The following NT5DC1 variants were observed in gnomAD, a reference collection of about 807,000 sequenced individuals.
NT5DC1 encodes the protein 5'-nucleotidase domain containing 1.
Under a neutral mutation model 59.4 loss-of-function variants are expected in NT5DC1, and 42 were observed. The observed-to-expected ratio is 0.71, with a 90% CI of 0.55 to 0.92. NT5DC1 has a LOEUF of 0.92. Ranked by LOEUF, NT5DC1 falls within the 40% of genes least tolerant of loss-of-function variation. The pLI, the probability that NT5DC1 is intolerant of heterozygous loss-of-function variation, is 0.00. For synonymous variants in NT5DC1, 172 were observed against 188.1 expected, an observed-to-expected ratio of 0.91 and a Z score of 0.70; for missense variants, 501 against 537.1, an observed-to-expected ratio of 0.93 and a Z score of 0.66.
chr6:116,205,484 T>TTTA (rs1393824457), intron 6 of NT5DC1, among the ~76,000 whole-genome samples: 1 of 151,718 alleles, frequency 6.6e-6, no homozygotes, highest in Non-Finnish European at 1.5e-5. Flanking sequence ...GGAACTTAAC[T>TTTA]GAGTCAGCAG....
intron 6 of NT5DC1, among the ~76,000 whole-genome samples, chr6:116,142,605 G>A (rs1779796045): frequency 6.6e-6 from 1 of 152,064 alleles, no homozygotes; most frequent in African/African-American, 2.4e-5. Flanking sequence ...TTTTTCCTTA[G>A]AGTCAGGAAT....
chr6:116,121,734 C>G, intron 6 of NT5DC1: 1 of 1,614,006 alleles, frequency 6.2e-7, no homozygotes, highest in South Asian at 1.1e-5. Flanking sequence ...GGTCCAACAT[C>G]TCCTTTTGGT....
chr6:116,186,714 G>A (rs1781008615), intron 6 of NT5DC1, among the ~76,000 whole-genome samples: 1 of 151,974 alleles, frequency 6.6e-6, no homozygotes, highest in South Asian at 2.1e-4. Flanking sequence ...GTGTGTCCTT[G>A]ACTTCCAGAA....
rs1431448372 is a variant in NT5DC1 at position 116,247,869 on chromosome 6, CATGAGT to C, written c.*3848_*3853del. On this transcript the variant is annotated 3_prime_UTR_variant, in exon 12 of 12. Transcript: ENST00000319550. ...CTTACAATGCTTAGCAGCTAAATTC[CATGAGT>C]ATAACGTTTAATGTCTTTTTGGTAC... The C allele has an allele frequency of 6.6e-6, 1 of 152,172 alleles. No homozygotes were observed. The highest frequency in any genetic ancestry group is 2.4e-5 in the African/African-American group (1 of 41,434). The allele number at this position is 152,172 out of a possible 1,614,324, so 9.4% of individuals were successfully genotyped here. A position where few individuals can be genotyped will look rare whatever the true frequency, so the allele number is the denominator to read the frequency against.
intron 6 of NT5DC1, among the ~76,000 whole-genome samples, chr6:116,198,649 G>A (rs762271110): frequency 4.0e-5 from 6 of 151,854 alleles, no homozygotes; most frequent in Non-Finnish European, 8.8e-5. Flanking sequence ...GATTGCTTGA[G>A]CCCAGGAGTT....
intron 8 of NT5DC1, among the ~76,000 whole-genome samples, chr6:116,232,563 A>G (rs1019104843): frequency 3.9e-5 from 6 of 152,086 alleles, no homozygotes; most frequent in African/African-American, 1.4e-4. Flanking sequence ...AAACATTAAT[A>G]AAGTAGTGAC....
chr6:116,135,870 T>TAC (rs1171866948), intron 6 of NT5DC1, among the ~76,000 whole-genome samples: 83 of 119,270 alleles, frequency 7.0e-4, no homozygotes, highest in African/African-American at 2.5e-3. Flanking sequence ...TATATATATA[T>TAC]ATACACACAT....
intron 6 of NT5DC1, among the ~76,000 whole-genome samples, chr6:116,174,195 T>C (rs2114458188): frequency 6.6e-6 from 1 of 152,344 alleles, no homozygotes. Flanking sequence ...GCCATGTTTC[T>C]CTACTGTAAA....
chr6:116,178,082 TGTGTGTGCGCGCGC>T (rs1367626918), intron 6 of NT5DC1, among the ~76,000 whole-genome samples: 39 of 107,334 alleles, frequency 3.6e-4, no homozygotes, highest in African/African-American at 1.9e-3. Flanking sequence ...TGTGTGTGTG[TGTGTGTGCGCGCGC>T]GCGCGCGTGC....
intron 6 of NT5DC1, among the ~76,000 whole-genome samples, chr6:116,186,140 C>G (rs1780991572): frequency 6.6e-6 from 1 of 151,994 alleles, no homozygotes; most frequent in Non-Finnish European, 1.5e-5. Context: ...CTTAGTTTCA[C>G]TGGATACAAA....
At chr6:116,138,878 CT>C (rs1301827474) in intron 6 of NT5DC1, among the ~76,000 whole-genome samples, 2 of 152,044 alleles carry the variant, frequency 1.3e-5, no homozygotes, top group Non-Finnish European at 2.9e-5. Flanking sequence ...TTCAGTCTTG[CT>C]TTTGGTTTGA....
At position 116,101,000 on chromosome 6, in the gene NT5DC1, T is replaced by C. The variant is rs952003754; in HGVS notation, c.70T>C (p.Tyr24His). ...CGACCTGGACCACACTCTGTGTCGC[T>C]ACAACCTGCCCGAGAGCGCCCCGGT... ...GFDLDHTLCRYNLPESAPLIY... is the reference protein window; with the variant it reads ...GFDLDHTLCRHNLPESAPLIY... The change falls in exon 1 of 12, where the codon TAC (tyrosine) becomes CAC (histidine). Residue 24 changes from tyrosine (Y) to histidine (H), a missense_variant. Transcript: ENST00000319550. 1 of 1,601,344 alleles carries C rather than the reference T, an allele frequency of 6.2e-7. No individual in the cohort carries two copies. The highest frequency in any genetic ancestry group is 8.5e-7 in the Non-Finnish European group (1 of 1,175,486).
chr6:116,186,188 A>AG (rs1267059585), intron 6 of NT5DC1, among the ~76,000 whole-genome samples: 1 of 152,108 alleles, frequency 6.6e-6, no homozygotes, highest in Admixed American at 6.6e-5. Flanking sequence ...AGGAGAACAA[A>AG]GGTAGGACCC....
chr6:116,239,144 A>G (rs918642151), intron 11 of NT5DC1, 21 bp downstream of exon 11: 47 of 1,568,852 alleles, frequency 3.0e-5, no homozygotes, highest in Non-Finnish European at 3.9e-5. Flanking sequence ...AAATACCTAT[A>G]AAGCTTCACC....
rs563986445 is a variant in NT5DC1 at position 116,208,595 on chromosome 6, TC to T, written c.530-12458del. ...CTACAAGCTCTTTAGTTCTTTCTGATCATGTCATCATGTCATCATGTGCATT... is the reference window on the plus strand; with the variant it reads ...CTACAAGCTCTTTAGTTCTTTCTGATATGTCATCATGTCATCATGTGCATT... On this transcript the variant is annotated intron_variant, in intron 6 of 11. Coordinates refer to ENST00000319550, the MANE Select transcript of NT5DC1 (RefSeq NM_152729.3). Among the ~76,000 whole-genome samples the T allele has an allele frequency of 4.9e-4, 75 of 152,152 alleles. 1 individual carries two copies. In the East Asian group the frequency reaches 0.014, roughly 28 times the overall value.
intron 3 of NT5DC1, chr6:116,110,600 A>G (rs1351749042): frequency 1.7e-6 from 1 of 572,252 alleles, no homozygotes; most frequent in Admixed American, 2.7e-5. Flanking sequence ...GTGGTATCTT[A>G]TCCAGTGTTG....
chr6:116,124,899 G>C (rs1366380805), intron 6 of NT5DC1, among the ~76,000 whole-genome samples: 1 of 152,162 alleles, frequency 6.6e-6, no homozygotes, highest in Non-Finnish European at 1.5e-5. Flanking sequence ...TTTTATATCT[G>C]TTTGTGGGCT....
intron 6 of NT5DC1, among the ~76,000 whole-genome samples, chr6:116,150,052 G>A (rs757521252): frequency 2.6e-5 from 4 of 152,262 alleles, no homozygotes; most frequent in Middle Eastern, 3.4e-3. Context: ...GGCCATAAGT[G>A]TTGAAGTTTA....
intron 6 of NT5DC1, among the ~76,000 whole-genome samples, chr6:116,207,101 A>G (rs1781467381): frequency 6.6e-6 from 1 of 151,956 alleles, no homozygotes; most frequent in Non-Finnish European, 1.5e-5. Context: ...AAATAGTTTC[A>G]TTATTACAAT....
Sources: gnomAD v4.1 joint callset for allele counts (sites outside exome capture counted in the v4.1 genomes callset) on GRCh38, gnomAD v4.1.1 for gene constraint, MANE v1.5 for transcripts, NCBI Gene and HGNC (gene_info 2026-07-23, HGNC 2026-07-21) for gene names.